Variants in ROBO2 observed in about 807,000 individuals in gnomAD.
ROBO2 encodes the protein roundabout homolog 2.
ROBO2 carries 53 observed loss-of-function variants against 160.8 expected under a neutral mutation model. The observed-to-expected ratio is 0.33, with a 90% CI of 0.26 to 0.41. The LOEUF is 0.41. ROBO2 is among the 10% of genes least tolerant of loss of function. The pLI is 1.00. For missense variants in ROBO2, 1,577 were observed against 1,722.4 expected, an observed-to-expected ratio of 0.92 and a Z score of 1.49; for synonymous variants, 664 against 611.7, an observed-to-expected ratio of 1.09 and a Z score of -1.26.
At chr3:76,059,095 T>C (rs1217107128) in intron 2 of ROBO2, among the ~76,000 whole-genome samples, 4 of 151,690 alleles carry the variant, frequency 2.6e-5, no homozygotes, top group Non-Finnish European at 1.5e-5. Context: ...TTGTGAATAG[T>C]GCCGCAATAA....
chr3:77,040,612 T>C (rs2149608859), exon 1 of ROBO2: 1 of 1,471,548 alleles, frequency 6.8e-7, no homozygotes, highest in East Asian at 2.5e-5. Flanking sequence ...GTGTGCCCCG[T>C]TCGAGACCTC....
chr3:77,648,624 G>C (rs551881447), exon 26 of ROBO2: 29 of 152,234 alleles, frequency 1.9e-4, no homozygotes, highest in African/African-American at 6.5e-4. Flanking sequence ...TAGATTGAGG[G>C]CAAGATAAAA....
intron 2 of ROBO2, among the ~76,000 whole-genome samples, chr3:77,114,029 C>A (rs369691715): frequency 6.6e-6 from 1 of 152,100 alleles, no homozygotes; most frequent in Non-Finnish European, 1.5e-5. Flanking sequence ...AGATGACAAA[C>A]GAAGTAGCCT....
At chr3:76,010,887 T>A (rs374474708) in intron 2 of ROBO2, among the ~76,000 whole-genome samples, 31 of 152,238 alleles carry the variant, frequency 2.0e-4, no homozygotes, top group African/African-American at 7.5e-4. Flanking sequence ...GGTAAATAAA[T>A]ATCTCATTTA....
At position 76,580,328 on chromosome 3, in the gene ROBO2, G is replaced by GTTTTTTTTTTTTTTT. The variant is rs748888426; in HGVS notation, c.110-517675_110-517674insTTTTTTTTTTTTTTT. 7.9e-4 allele frequency among the ~76,000 whole-genome samples: 53 copies of GTTTTTTTTTTTTTTT among 67,224 alleles called. 1 individual carries two copies. The highest frequency in any genetic ancestry group is 1.5e-3 in the South Asian group (3 of 1,996). 44.1% of individuals were successfully genotyped at this position (67,224 alleles called of 152,430 possible). On this transcript the variant is annotated intron_variant, in intron 2 of 26. Transcript: ENST00000487694. The stretch of plus-strand genomic sequence containing the variant: ...CTAACCCAACCCCTGTTTTTTTTTT[G>GTTTTTTTTTTTTTTT]TTTTTTTTTTTGTGTTTTTTTTTTT...
chr3:76,918,269 C>G (rs994232969), intron 2 of ROBO2, among the ~76,000 whole-genome samples: 1 of 152,100 alleles, frequency 6.6e-6, no homozygotes, highest in Admixed American at 6.5e-5. Context: ...AGTGAGTTCT[C>G]GTGAGATCTG....
At chr3:76,170,577 T>G (rs952503555) in intron 2 of ROBO2, among the ~76,000 whole-genome samples, 1 of 152,184 alleles carries the variant, frequency 6.6e-6, no homozygotes, top group Non-Finnish European at 1.5e-5. Flanking sequence ...CAGCACCTGT[T>G]TAGGCTCTCA....
chr3:76,413,183 T>C (rs983290230), intron 2 of ROBO2, among the ~76,000 whole-genome samples: 2 of 152,180 alleles, frequency 1.3e-5, no homozygotes, highest in African/African-American at 4.8e-5. Context: ...ACAGGAGCCC[T>C]GGGCCCTGCC....
At chr3:77,329,055 C>A (rs140419162) in intron 2 of ROBO2, among the ~76,000 whole-genome samples, 10 of 152,284 alleles carry the variant, frequency 6.6e-5, no homozygotes, top group African/African-American at 2.2e-4. Flanking sequence ...ATGTGTTGAT[C>A]CAAGTCTCCC....
intron 2 of ROBO2, among the ~76,000 whole-genome samples, chr3:76,977,132 A>G (rs2059854983): frequency 6.6e-6 from 1 of 152,206 alleles, no homozygotes; most frequent in African/African-American, 2.4e-5. Flanking sequence ...GAATTAATAA[A>G]AGTTAAACTA....
chr3:77,630,007 T>C (rs1032149123), intron 23 of ROBO2: 1 of 152,188 alleles, frequency 6.6e-6, no homozygotes, highest in Non-Finnish European at 1.5e-5. Context: ...GTGTAGTGTT[T>C]GGAAACCAAA....
chr3:76,129,591 G>A (rs892291601), intron 2 of ROBO2, among the ~76,000 whole-genome samples: 1 of 152,030 alleles, frequency 6.6e-6, no homozygotes, highest in Non-Finnish European at 1.5e-5. Flanking sequence ...AGTCCCATTC[G>A]AAAAATGATT....
intron 2 of ROBO2, among the ~76,000 whole-genome samples, chr3:76,758,469 T>C (rs969761518): frequency 1.6e-4 from 24 of 151,812 alleles, no homozygotes; most frequent in Non-Finnish European, 4.4e-5. Context: ...AACTACCTTA[T>C]GTCTCATTGA....
chr3:77,302,096 A>G (rs2062711294), intron 2 of ROBO2, among the ~76,000 whole-genome samples: 1 of 150,996 alleles, frequency 6.6e-6, no homozygotes, highest in South Asian at 2.1e-4. Context: ...TTCCATAGAA[A>G]CTAAGTAAAG....
At chr3:77,454,995 G>T (rs13096330) in intron 2 of ROBO2, among the ~76,000 whole-genome samples, 2 of 151,994 alleles carry the variant, frequency 1.3e-5, no homozygotes, top group African/African-American at 4.8e-5. Flanking sequence ...AGGAGATGGC[G>T]AGAAAAAATG....
chr3:76,540,765 TTTTAA>T (rs1363202057), intron 2 of ROBO2, among the ~76,000 whole-genome samples: 3 of 152,112 alleles, frequency 2.0e-5, no homozygotes, highest in African/African-American at 7.2e-5. Context: ...AGTTTGTTAT[TTTTAA>T]TTTGACTTTT....
At chr3:77,497,808 G>A (rs147309211) in intron 5 of ROBO2, among the ~76,000 whole-genome samples, 88 of 151,838 alleles carry the variant, frequency 5.8e-4, no homozygotes, top group Admixed American at 5.9e-4. Context: ...GTATATTTTC[G>A]TTATATAAAT....
At chr3:76,552,151 T>C (rs901996111) in intron 2 of ROBO2, among the ~76,000 whole-genome samples, 6 of 152,214 alleles carry the variant, frequency 3.9e-5, no homozygotes, top group African/African-American at 1.4e-4. Flanking sequence ...ATTTACATTG[T>C]ATTAGATATT....
At chr3:76,576,048 T>A (rs892561803) in intron 2 of ROBO2, among the ~76,000 whole-genome samples, 1 of 152,136 alleles carries the variant, frequency 6.6e-6, no homozygotes. Context: ...TAGGGGAATC[T>A]GATTGGAATT....
Sources: gnomAD v4.1 joint callset for allele counts (sites outside exome capture counted in the v4.1 genomes callset) on GRCh38, gnomAD v4.1.1 for gene constraint, MANE v1.5 for transcripts, NCBI Gene and HGNC (gene_info 2026-07-23, HGNC 2026-07-21) for gene names.